Variants in DYDC2 observed in about 807,000 individuals in gnomAD.
DYDC2 encodes DPY30 domain-containing protein 2.
In DYDC2, 19 loss-of-function variants were observed where a neutral mutation model predicts 18.7. The ratio of observed to expected loss-of-function variants is 1.02; its 90% confidence interval spans 0.71 to 1.49. DYDC2 has a LOEUF of 1.49. DYDC2 is among the 40% of genes most tolerant of loss of function. The pLI, the probability that DYDC2 is intolerant of heterozygous loss-of-function variation, is 0.00. For missense variants in DYDC2, 179 were observed against 205.1 expected, an observed-to-expected ratio of 0.87 and a Z score of 0.78; for synonymous variants, 63 against 67.6, an observed-to-expected ratio of 0.93 and a Z score of 0.34.
intron 2 of DYDC2, among the ~76,000 whole-genome samples, chr10:80,359,100 C>T (rs957279758): frequency 1.3e-5 from 2 of 152,160 alleles, no homozygotes; most frequent in Non-Finnish European, 2.9e-5. Flanking sequence ...ATTCCCTTAT[C>T]CGGCCCTACC....
intron 2 of DYDC2, 55 bp downstream of exon 2, chr10:80,358,100 G>A: frequency 1.0e-6 from 1 of 980,582 alleles, no homozygotes; most frequent in East Asian, 1.1e-4. Flanking sequence ...CCCTTGGCCA[G>A]GCGCGGTGGC....
intron 2 of DYDC2, among the ~76,000 whole-genome samples, chr10:80,358,678 G>T (rs906047380): frequency 7.9e-5 from 12 of 152,128 alleles, no homozygotes; most frequent in Admixed American, 2.0e-4. Flanking sequence ...ACTACAGGTC[G>T]CTTGGAGATT....
At chr10:80,359,138 A>C (rs1843580314) in intron 2 of DYDC2, among the ~76,000 whole-genome samples, 1 of 152,172 alleles carries the variant, frequency 6.6e-6, no homozygotes, top group African/African-American at 2.4e-5. Context: ...TTCATTTTAC[A>C]GAGAGCTGAT....
At chr10:80,352,696 T>A, upstream of DYDC2, 2 of 1,428,716 alleles carry the variant, frequency 1.4e-6, no homozygotes, top group Non-Finnish European at 1.8e-6. Flanking sequence ...GAACAAAGCC[T>A]TACATACACC....
chr10:80,356,473 C>A, upstream of DYDC2: 2 of 985,352 alleles, frequency 2.0e-6, no homozygotes, highest in Non-Finnish European at 2.4e-6. Flanking sequence ...GTTTTCCCAC[C>A]CGGGAGTCTG....
upstream of DYDC2, chr10:80,352,623 T>A: frequency 6.3e-7 from 1 of 1,592,566 alleles, no homozygotes; most frequent in Non-Finnish European, 8.5e-7. Flanking sequence ...AAAAAGTAAG[T>A]GTTTTTGCAT....
At chr10:80,353,196 C>T (rs574360697), upstream of DYDC2, among the ~76,000 whole-genome samples, 1 of 152,142 alleles carries the variant, frequency 6.6e-6, no homozygotes, top group South Asian at 2.1e-4. Flanking sequence ...AATAAAAACT[C>T]AGCCTCCAAA....
intron 4 of DYDC2, among the ~76,000 whole-genome samples, chr10:80,366,093 C>T (rs1195247167): frequency 1.6e-5 from 2 of 127,070 alleles, no homozygotes; most frequent in Non-Finnish European, 3.1e-5. Context: ...AGTGCAGTGG[C>T]AAGATCTTGG....
intron 2 of DYDC2, among the ~76,000 whole-genome samples, chr10:80,359,562 G>C (rs987691831): frequency 6.6e-5 from 10 of 152,198 alleles, no homozygotes; most frequent in African/African-American, 2.4e-4. Context: ...GCGCTCATCA[G>C]GGAGGCTCCG....
At chr10:80,366,609 C>T in intron 4 of DYDC2, 79 bp from the exon 5 acceptor site, 2 of 1,486,826 alleles carry the variant, frequency 1.3e-6, no homozygotes, top group Non-Finnish European at 1.8e-6. Flanking sequence ...ATGAAAATAG[C>T]AATACTGTGT....
At chr10:80,358,589 T>C (rs1032776834) in intron 2 of DYDC2, among the ~76,000 whole-genome samples, 2 of 152,170 alleles carry the variant, frequency 1.3e-5, no homozygotes, top group Non-Finnish European at 2.9e-5. Context: ...AGCCACCCCC[T>C]GACTAGAGAA....
upstream of DYDC2, chr10:80,352,443 A>G: frequency 6.4e-7 from 1 of 1,573,488 alleles, no homozygotes; most frequent in Non-Finnish European, 8.6e-7. Context: ...CTAGAAGGAG[A>G]TTCCTACTTA....
chr10:80,358,529 GA>G (rs1843533836), intron 2 of DYDC2, among the ~76,000 whole-genome samples: 1 of 152,170 alleles, frequency 6.6e-6, no homozygotes, highest in Non-Finnish European at 1.5e-5. Context: ...GGGCAATTTA[GA>G]GTAGGGGGAG....
At chr10:80,351,486 C>G (rs1159306919) in intron 1 of DYDC2, among the ~76,000 whole-genome samples, 1 of 151,654 alleles carries the variant, frequency 6.6e-6, no homozygotes. Context: ...TAAGTCCACC[C>G]ACCCCCACCA....
rs1843854925 is a variant in DYDC2 at position 80,366,871 on chromosome 10, C to T, written c.454C>T (p.Pro152Ser). 1.2e-6 allele frequency: 2 copies of T among 1,614,128 alleles called. No homozygotes were observed. Among genetic ancestry groups the T allele is most frequent in the Non-Finnish European group, 8.5e-7 (1 of 1,180,010 alleles). The change falls in exon 5 of 5, where the codon CCA (proline) becomes TCA (serine). Residue 152 changes from proline (P) to serine (S), a missense_variant. Physicochemically the swap from Pro to Ser is moderately conservative, Grantham distance 74. Coordinates refer to ENST00000256039, the MANE Select transcript of DYDC2 (RefSeq NM_032372.6). The part of the protein sequence containing the change: ...AGQIDQNFKM[P>S]QEINYKEAFQ... ...CCAGATTGACCAGAACTTCAAAATG[C>T]CACAAGAAATAAATTACAAGGAGGC...
At position 80,366,691 on chromosome 10, in the gene DYDC2, C is replaced by A. The variant is rs1843848077; in HGVS notation, c.274C>A (p.Leu92Met). The change falls in exon 5 of 5, where the codon CTG becomes ATG. Residue 92 changes from leucine to methionine, a missense_variant. By Grantham distance (15) the Leu-to-Met change is conservative. Coordinates refer to ENST00000256039, the MANE Select transcript of DYDC2 (RefSeq NM_032372.6). ...GGCTTTTTTGTTTTCTATTTAGGAACTGACTTCTGAAACTGTTTCCACGAA... is the reference window on the plus strand; with the variant it reads ...GGCTTTTTTGTTTTCTATTTAGGAAATGACTTCTGAAACTGTTTCCACGAA... The part of the protein sequence containing the change: ...QQNCEKCHKE[L>M]TSETVSTKKT... The A allele has an allele frequency of 6.3e-7, 1 of 1,596,572 alleles. No homozygotes were observed. The highest frequency in any genetic ancestry group is 8.5e-7 in the Non-Finnish European group (1 of 1,172,244).
intron 2 of DYDC2, among the ~76,000 whole-genome samples, chr10:80,358,733 T>G (rs1171130490): frequency 6.6e-6 from 1 of 152,212 alleles, no homozygotes; most frequent in Non-Finnish European, 1.5e-5. Context: ...CCTGAGATTC[T>G]GCATCTCAAC....
At chr10:80,345,178 T>C (rs1364191880) in intron 1 of DYDC2, among the ~76,000 whole-genome samples, 26 of 152,214 alleles carry the variant, frequency 1.7e-4, no homozygotes, top group Non-Finnish European at 2.8e-4. Flanking sequence ...CTTCATTCAC[T>C]CTTGTAAACT....
chr10:80,352,502 C>T (rs963827842), upstream of DYDC2: 7 of 1,613,228 alleles, frequency 4.3e-6, no homozygotes, highest in East Asian at 2.2e-5. Context: ...ATCCACAATG[C>T]TAAATATTCT....
Sources: allele counts gnomAD v4.1 joint callset (sites outside exome capture counted in the v4.1 genomes callset), GRCh38; gene constraint gnomAD v4.1.1; transcripts MANE v1.5; gene names NCBI Gene and HGNC (gene_info 2026-07-23, HGNC 2026-07-21).